The following DNAJC1 variants were observed in gnomAD, a reference collection of about 807,000 sequenced individuals.
DNAJC1 encodes dnaJ homolog subfamily C member 1.
A neutral mutation model predicts 76.6 loss-of-function variants in DNAJC1; 58 were observed. The observed-to-expected ratio is 0.76, with a 90% CI of 0.61 to 0.94. The LOEUF (loss-of-function observed/expected upper bound fraction) is 0.94. Ranked by LOEUF, DNAJC1 falls within the 40% of genes least tolerant of loss-of-function variation. DNAJC1 has a pLI of 0.00. For synonymous variants in DNAJC1, 258 were observed against 267.9 expected, an observed-to-expected ratio of 0.96 and a Z score of 0.36; for missense variants, 689 against 677.3, an observed-to-expected ratio of 1.02 and a Z score of -0.19.
chr10:21,907,327 T>C (rs1836763354), intron 6 of DNAJC1, among the ~76,000 whole-genome samples: 1 of 151,906 alleles, frequency 6.6e-6, no homozygotes, highest in South Asian at 2.1e-4. Context: ...TTTTTTCATA[T>C]CTTACCTATG....
intron 10 of DNAJC1, among the ~76,000 whole-genome samples, chr10:21,759,935 C>G (rs1288486147): frequency 6.6e-6 from 1 of 152,208 alleles, no homozygotes; most frequent in Non-Finnish European, 1.5e-5. Flanking sequence ...ATGCAAACAT[C>G]TCTTTGAGAG....
intron 8 of DNAJC1, among the ~76,000 whole-genome samples, chr10:21,841,687 C>T (rs1323606027): frequency 6.6e-6 from 1 of 152,154 alleles, no homozygotes; most frequent in African/African-American, 2.4e-5. Context: ...TTGTGGAAGT[C>T]AGTGTGGCGA....
intron 1 of DNAJC1, 108 bp downstream of exon 1, chr10:22,003,105 C>T: frequency 1.5e-6 from 2 of 1,340,770 alleles, no homozygotes; most frequent in East Asian, 3.1e-5. Flanking sequence ...AGCCAGAGCC[C>T]GGGGTGACCA....
At chr10:21,821,921 G>C (rs1835165671) in intron 8 of DNAJC1, among the ~76,000 whole-genome samples, 1 of 151,694 alleles carries the variant, frequency 6.6e-6, no homozygotes, top group South Asian at 2.1e-4. Context: ...CCGGTAAATG[G>C]TATAGTGGAA....
intron 9 of DNAJC1, among the ~76,000 whole-genome samples, chr10:21,787,385 GAAGA>G (rs1159278504): frequency 6.6e-6 from 1 of 151,582 alleles, no homozygotes; most frequent in Non-Finnish European, 1.5e-5. Flanking sequence ...AGAGAAAAAA[GAAGA>G]AAGAAGAAAA....
chr10:21,830,873 T>G (rs553934360), intron 8 of DNAJC1, among the ~76,000 whole-genome samples: 60 of 152,332 alleles, frequency 3.9e-4, no homozygotes, highest in Non-Finnish European at 6.9e-4. Flanking sequence ...AAAAACTCAG[T>G]GAACATTTCA....
intron 7 of DNAJC1, among the ~76,000 whole-genome samples, chr10:21,882,831 A>T (rs918327201): frequency 6.6e-6 from 1 of 152,078 alleles, no homozygotes; most frequent in Non-Finnish European, 1.5e-5. Flanking sequence ...TCTCATCTAT[A>T]AAAAAAACCT....
rs778178561 is a variant in DNAJC1, at chr10:21,807,801, G to A, written c.979-1702C>T. Among the ~76,000 whole-genome samples, 4 of 152,010 alleles carry A rather than the reference G, an allele frequency of 2.6e-5. No individual in the cohort carries two copies. The South Asian group carries it at 6.2e-4, about 24-fold the overall frequency. Reference sequence around the variant, plus strand: ...AAGGTAGCCCACATTGGGTCTGGTCGGAATTTCTTTGATATTTAATGAATA... The same window carrying A: ...AAGGTAGCCCACATTGGGTCTGGTCAGAATTTCTTTGATATTTAATGAATA... On this transcript the variant is annotated intron_variant, in intron 8 of 11. Transcript: ENST00000376980.
intron 8 of DNAJC1, chr10:21,865,198 G>T (rs1835978238): frequency 6.6e-6 from 1 of 152,096 alleles, no homozygotes; most frequent in Non-Finnish European, 1.5e-5. Flanking sequence ...ACAGGTTCTA[G>T]TCATTCTCCC....
intron 1 of DNAJC1, among the ~76,000 whole-genome samples, chr10:21,982,707 A>C (rs1838176068): frequency 6.7e-6 from 1 of 150,242 alleles, no homozygotes; most frequent in African/African-American, 2.5e-5. Context: ...ACCTATTAGG[A>C]TAGCTATCAT....
At chr10:21,937,488 T>A (rs1837329282) in intron 1 of DNAJC1, among the ~76,000 whole-genome samples, 1 of 152,002 alleles carries the variant, frequency 6.6e-6, no homozygotes. Flanking sequence ...TTAACAGAAC[T>A]GAAAGGAGAA....
At chr10:21,910,828 G>GA (rs1554896291) in intron 6 of DNAJC1, among the ~76,000 whole-genome samples, 1 of 69,262 alleles carries the variant, frequency 1.4e-5, no homozygotes, top group African/African-American at 7.5e-5. Flanking sequence ...GGAAAGAAAG[G>GA]AAGGAGAGGA....
chr10:22,003,129 G>A, intron 1 of DNAJC1, 84 bp downstream of exon 1: 1 of 1,370,630 alleles, frequency 7.3e-7, no homozygotes, highest in Non-Finnish European at 9.5e-7. Flanking sequence ...CCTGCCCTAC[G>A]TGTCCGGCTG....
At chr10:21,786,457 TATATATAGAG>T (rs1247501181) in intron 9 of DNAJC1, among the ~76,000 whole-genome samples, 138 of 44,326 alleles carry the variant, frequency 3.1e-3, no homozygotes, top group South Asian at 4.3e-3. Flanking sequence ...TATATATATA[TATATATAGAG>T]AGAGAGAGAG....
Position 21,904,608 on chromosome 10 carries a change from G to A in DNAJC1, c.734C>T (p.Ala245Val). Residue 245 changes from alanine (A) to valine (V), a missense_variant, in exon 7 of 12, where the codon GCT (alanine) becomes GTT (valine). By Grantham distance (64) the Ala-to-Val change is moderately conservative. Coordinates refer to ENST00000376980, the MANE Select transcript of DNAJC1 (RefSeq NM_022365.4). ...TTTATATTTAGCATAAAACTGCCCA[G>A]CATCCTTAAGAAAAAAAGTTATACA... Reference protein sequence around the residue: ...LKALPHLIQDAGQFYAKYKET... With the variant: ...LKALPHLIQDVGQFYAKYKET... 6.3e-7 allele frequency: 1 copy of A among 1,584,054 alleles called. No homozygotes were observed. Among genetic ancestry groups the A allele is most frequent in the South Asian group, 1.2e-5 (1 of 85,190 alleles).
chr10:21,823,123 A>C (rs1033872564), intron 8 of DNAJC1, among the ~76,000 whole-genome samples: 1 of 152,162 alleles, frequency 6.6e-6, no homozygotes, highest in African/African-American at 2.4e-5. Flanking sequence ...GGTCTTTATT[A>C]ATCTCTGCCA....
At chr10:21,900,945 C>T (rs1161080614) in intron 7 of DNAJC1, among the ~76,000 whole-genome samples, 3 of 152,152 alleles carry the variant, frequency 2.0e-5, no homozygotes, top group Admixed American at 2.0e-4. Context: ...CCTGAGTTTT[C>T]TAGAAAATCA....
chr10:21,792,662 G>A (rs895483507), intron 9 of DNAJC1, among the ~76,000 whole-genome samples: 2 of 151,842 alleles, frequency 1.3e-5, no homozygotes, highest in African/African-American at 4.8e-5. Flanking sequence ...TGGAGGCTCA[G>A]GCAGGAGAAT....
intron 8 of DNAJC1, among the ~76,000 whole-genome samples, chr10:21,822,139 A>T (rs531308813): frequency 1.3e-5 from 2 of 152,194 alleles, no homozygotes; most frequent in South Asian, 2.1e-4. Context: ...CTTAGAACAG[A>T]CTCATTTCAA....
Sources: gnomAD v4.1 joint callset for allele counts (sites outside exome capture counted in the v4.1 genomes callset) on GRCh38, gnomAD v4.1.1 for gene constraint, MANE v1.5 for transcripts, NCBI Gene and HGNC (gene_info 2026-07-23, HGNC 2026-07-21) for gene names.